NBEA: variants seen among roughly 807,000 people sequenced by gnomAD.
NBEA encodes lysosomal-trafficking regulator 2.
Under a neutral mutation model 343.4 loss-of-function variants are expected in NBEA, and 44 were observed. That is an observed-to-expected ratio of 0.13 (90% CI 0.10 to 0.16). The LOEUF (loss-of-function observed/expected upper bound fraction) is 0.16, where lower values mean the gene tolerates loss of function less well. Among genes scored for constraint, NBEA ranks in the 10% least tolerant of loss-of-function variants. The probability of loss-of-function intolerance (pLI) is 1.00; values close to 1 mark genes in which losing one functional copy is unlikely to be tolerated. For missense variants in NBEA, 2,555 were observed against 3,631.3 expected (o/e 0.70, Z 7.62); for synonymous variants, 1,175 against 1,238.7 (o/e 0.95, Z 1.08).
intron 49 of NBEA, among the ~76,000 whole-genome samples, chr13:35,642,766 C>A (rs1159252432): frequency 6.6e-6 from 1 of 152,008 alleles, no homozygotes; most frequent in Non-Finnish European, 1.5e-5. Context: ...CATTTACTGA[C>A]CTGTAAATTT....
chr13:35,299,809 C>A (rs975320936), intron 35 of NBEA, among the ~76,000 whole-genome samples: 1 of 152,118 alleles, frequency 6.6e-6, no homozygotes, highest in African/African-American at 2.4e-5. Flanking sequence ...CCTGTCATTG[C>A]CAAGAGCTTG....
At chr13:35,380,330 A>G (rs1322637509) in intron 38 of NBEA, among the ~76,000 whole-genome samples, 14 of 152,032 alleles carry the variant, frequency 9.2e-5, no homozygotes, top group Admixed American at 9.2e-4. Flanking sequence ...CTGTGATCCC[A>G]GCTACTCTGG....
At chr13:35,135,777 A>G (rs982621944) in intron 17 of NBEA, among the ~76,000 whole-genome samples, 1 of 151,966 alleles carries the variant, frequency 6.6e-6, no homozygotes, top group East Asian at 1.9e-4. Context: ...GTATATCTAT[A>G]TATATATATG....
intron 23 of NBEA, among the ~76,000 whole-genome samples, chr13:35,164,047 A>G (rs1479424269): frequency 6.6e-6 from 1 of 152,110 alleles, no homozygotes; most frequent in Non-Finnish European, 1.5e-5. Context: ...AAACAATCAG[A>G]TTTGGCAAAA....
intron 34 of NBEA, among the ~76,000 whole-genome samples, chr13:35,270,114 G>T (rs1166525718): frequency 6.6e-6 from 1 of 152,052 alleles, no homozygotes; most frequent in Non-Finnish European, 1.5e-5. Context: ...CAAATAAATA[G>T]AAATTAAGTA....
chr13:35,311,553 TA>T (rs954759933), intron 36 of NBEA, among the ~76,000 whole-genome samples: 1 of 151,962 alleles, frequency 6.6e-6, no homozygotes, highest in African/African-American at 2.4e-5. Flanking sequence ...GTCACAATTT[TA>T]AAAAAAATTT....
chr13:35,338,910 C>T (rs1360543901), intron 36 of NBEA, among the ~76,000 whole-genome samples: 1 of 152,042 alleles, frequency 6.6e-6, no homozygotes, highest in African/African-American at 2.4e-5. Flanking sequence ...ATGATCACAT[C>T]TTAATAGATA....
chr13:35,592,425 C>T (rs971610211), intron 46 of NBEA, among the ~76,000 whole-genome samples: 25 of 152,056 alleles, frequency 1.6e-4, no homozygotes, highest in Admixed American at 5.9e-4. Context: ...TCAATTAAAA[C>T]CAGTGTGATA....
chr13:35,112,433 C>A (rs1393441822), intron 13 of NBEA, among the ~76,000 whole-genome samples: 1 of 151,932 alleles, frequency 6.6e-6, no homozygotes, highest in East Asian at 1.9e-4. Context: ...CTATATATAA[C>A]TTTGTTTTTG....
At chr13:35,617,624 C>G (rs1261653017) in intron 48 of NBEA, among the ~76,000 whole-genome samples, 2 of 152,188 alleles carry the variant, frequency 1.3e-5, no homozygotes, top group South Asian at 2.1e-4. Flanking sequence ...AAAGACATCT[C>G]GTGAAATGTG....
intron 17 of NBEA, among the ~76,000 whole-genome samples, chr13:35,133,778 A>T (rs560063099): frequency 3.9e-5 from 6 of 152,188 alleles, no homozygotes; most frequent in African/African-American, 1.4e-4. Flanking sequence ...ATATTCATCT[A>T]ATTAAAAGTA....
chr13:35,149,788 T>G (rs529534411), intron 18 of NBEA, among the ~76,000 whole-genome samples: 29 of 152,188 alleles, frequency 1.9e-4, no homozygotes, highest in Non-Finnish European at 3.8e-4. Flanking sequence ...ATATTGAGTG[T>G]AGCATAATAA....
chr13:35,582,057 C>T lies in NBEA; in HGVS notation c.7036-1841C>T, dbSNP rs906284964. Among the ~76,000 whole-genome samples the T allele has an allele frequency of 2.6e-5, 4 of 151,996 alleles. No individual in the cohort carries two copies. The East Asian group carries it at 5.8e-4, about 22-fold the overall frequency. On this transcript the variant is annotated intron_variant, in intron 45 of 58. Transcript: ENST00000379939. ...ATCCCAGCACTTTGGGAGGCCCAGGCGGGCGAATCATGAGGTCAGGAGATT... is the reference window on the plus strand; with the variant it reads ...ATCCCAGCACTTTGGGAGGCCCAGGTGGGCGAATCATGAGGTCAGGAGATT...
chr13:35,652,798 C>T (rs1365674849), intron 53 of NBEA, among the ~76,000 whole-genome samples: 4 of 145,290 alleles, frequency 2.8e-5, no homozygotes, highest in African/African-American at 7.6e-5. Context: ...GGGTTCACGC[C>T]ATTCTCCTGC....
intron 34 of NBEA, among the ~76,000 whole-genome samples, chr13:35,243,828 A>G (rs1202043262): frequency 6.6e-6 from 1 of 151,918 alleles, no homozygotes; most frequent in South Asian, 2.1e-4. Context: ...CAATTTCAGT[A>G]ATGGATAAAG....
At chr13:35,000,272 G>C (rs1221878622) in intron 1 of NBEA, among the ~76,000 whole-genome samples, 1 of 152,170 alleles carries the variant, frequency 6.6e-6, no homozygotes, top group South Asian at 2.1e-4. Context: ...GATGCACAAA[G>C]AAAGCAGTAA....
intron 30 of NBEA, among the ~76,000 whole-genome samples, chr13:35,191,499 A>G (rs530476548): frequency 1.3e-5 from 2 of 152,134 alleles, no homozygotes; most frequent in Non-Finnish European, 2.9e-5. Flanking sequence ...TAAATCATAT[A>G]TAAATAATCG....
chr13:35,635,185 C>A (rs954696104), intron 49 of NBEA, among the ~76,000 whole-genome samples: 2 of 152,102 alleles, frequency 1.3e-5, no homozygotes, highest in Non-Finnish European at 2.9e-5. Flanking sequence ...TTCTATTATT[C>A]TTTATTCTTT....
intron 38 of NBEA, among the ~76,000 whole-genome samples, chr13:35,375,474 A>G (rs1467262005): frequency 6.6e-6 from 1 of 152,122 alleles, no homozygotes; most frequent in Non-Finnish European, 1.5e-5. Flanking sequence ...TCAAAAAATA[A>G]TATTATATCA....
Sources: gnomAD v4.1 joint callset for allele counts (sites outside exome capture counted in the v4.1 genomes callset) on GRCh38, gnomAD v4.1.1 for gene constraint, MANE v1.5 for transcripts, NCBI Gene and HGNC (gene_info 2026-07-23, HGNC 2026-07-21) for gene names.